Variants in WDR37 observed in about 807,000 individuals in gnomAD.
WDR37 encodes WD repeat domain 37.
WDR37 carries 19 observed loss-of-function variants against 62.9 expected under a neutral mutation model. That is an observed-to-expected ratio of 0.30 (90% CI 0.21 to 0.44). The LOEUF is 0.44. Among genes scored for constraint, WDR37 ranks in the 20% least tolerant of loss-of-function variants. The pLI is 1.00. For synonymous variants in WDR37, 250 were observed against 260.9 expected (o/e 0.96, Z 0.40); for missense variants, 474 against 657.6 (o/e 0.72, Z 3.05).
chr10:1,065,184 G>A (rs1331795056), intron 1 of WDR37, among the ~76,000 whole-genome samples: 1 of 152,126 alleles, frequency 6.6e-6, no homozygotes, highest in East Asian at 1.9e-4. Flanking sequence ...AATTGTGTTT[G>A]GAATTTGAAG....
intron 2 of WDR37, 88 bp downstream of exon 2, chr10:1,072,381 G>C: frequency 2.0e-6 from 3 of 1,535,938 alleles, no homozygotes; most frequent in South Asian, 2.4e-5. Context: ...GCGATGGTGC[G>C]ATCTCCGCTC....
At chr10:1,119,360 T>A (rs1011492374) in intron 11 of WDR37, among the ~76,000 whole-genome samples, 1 of 152,114 alleles carries the variant, frequency 6.6e-6, no homozygotes, top group African/African-American at 2.4e-5. Flanking sequence ...AGCAGAAGAG[T>A]GTTCTCACTG....
chr10:1,120,664 TC>T (rs1388626290), intron 11 of WDR37, among the ~76,000 whole-genome samples: 1 of 152,202 alleles, frequency 6.6e-6, no homozygotes, highest in African/African-American at 2.4e-5. Flanking sequence ...ACAGGCGTGC[TC>T]CTCAGATGTG....
At chr10:1,069,389 A>ATATATATATATTTTTTTTTTTTTTT in intron 1 of WDR37, among the ~76,000 whole-genome samples, 18 of 95,770 alleles carry the variant, frequency 1.9e-4, no homozygotes, top group African/African-American at 8.4e-4. Flanking sequence ...ATATATATAT[A>ATATATATATATTTTTTTTTTTTTTT]TTTTTTTTTT....
At chr10:1,126,910 G>A (rs752444727) in intron 13 of WDR37, among the ~76,000 whole-genome samples, 2 of 152,170 alleles carry the variant, frequency 1.3e-5, no homozygotes, top group Admixed American at 1.3e-4. Context: ...AAATAGTGGA[G>A]TAGAAAAATT....
Position 1,086,310 on chromosome 10 carries a change from T to C in WDR37, c.557T>C (p.Ile186Thr). Reference sequence around the variant, plus strand: ...GATCACACGGCTTTGCTGTGGAGCATAGAGACAGGGAAGTGCCTAGTCAAG... The same window carrying C: ...GATCACACGGCTTTGCTGTGGAGCACAGAGACAGGGAAGTGCCTAGTCAAG... ...SADHTALLWS[I>T]ETGKCLVKYA... Residue 186 changes from isoleucine (I) to threonine (T), a missense_variant, in exon 7 of 14, where the codon ATA becomes ACA. Ile to Thr is a moderately conservative substitution (Grantham distance 89, BLOSUM62 -1). Transcript: ENST00000263150. 1.2e-6 allele frequency: 2 copies of C among 1,614,212 alleles called. No homozygotes were observed. Among genetic ancestry groups the C allele is most frequent in the Non-Finnish European group, 1.7e-6 (2 of 1,180,022 alleles).
intron 5 of WDR37, 46 bp downstream of exon 5, chr10:1,080,522 G>A (rs748591978): frequency 2.5e-6 from 4 of 1,586,084 alleles, no homozygotes; most frequent in Non-Finnish European, 2.6e-6. Context: ...TGGTTAAGGT[G>A]TGCAGATGTG....
chr10:1,108,434 A>G, intron 11 of WDR37, among the ~76,000 whole-genome samples: 1 of 151,966 alleles, frequency 6.6e-6, no homozygotes, highest in South Asian at 2.1e-4. Flanking sequence ...CTGCTGTGCT[A>G]TTGGTGTGCT....
chr10:1,088,992 T>A (rs1369556782), intron 7 of WDR37, among the ~76,000 whole-genome samples: 1 of 152,170 alleles, frequency 6.6e-6, no homozygotes, highest in African/African-American at 2.4e-5. Flanking sequence ...ACGGCAAGCC[T>A]TGATTGACTT....
chr10:1,062,383 T>A (rs1833400653), intron 1 of WDR37, among the ~76,000 whole-genome samples: 1 of 152,216 alleles, frequency 6.6e-6, no homozygotes, highest in Admixed American at 6.5e-5. Flanking sequence ...GGAAAGGTGA[T>A]ATTGTAATCT....
At chr10:1,113,950 C>CT (rs56654628) in intron 11 of WDR37, among the ~76,000 whole-genome samples, 1,753 of 76,106 alleles carry the variant, frequency 0.023, 140 homozygotes, top group African/African-American at 0.078. Flanking sequence ...GGTAAAATGC[C>CT]TTTTTTTTTT....
intron 9 of WDR37, among the ~76,000 whole-genome samples, chr10:1,098,300 T>C (rs1180694135): frequency 1.3e-5 from 2 of 150,984 alleles, no homozygotes; most frequent in African/African-American, 4.9e-5. Context: ...GTGCACGCTC[T>C]CTTTCTACCC....
intron 7 of WDR37, among the ~76,000 whole-genome samples, chr10:1,086,805 C>T (rs994490960): frequency 6.8e-6 from 1 of 146,332 alleles, no homozygotes; most frequent in Admixed American, 6.9e-5. Flanking sequence ...TTAACGCTGT[C>T]CATGTAGTTA....
intron 8 of WDR37, among the ~76,000 whole-genome samples, chr10:1,093,791 G>A (rs367654403): frequency 1.3e-5 from 2 of 152,324 alleles, no homozygotes; most frequent in East Asian, 3.9e-4. Context: ...AGTTCCTGTA[G>A]ACGGAGCTCC....
At chr10:1,075,700 G>A (rs1302881957) in intron 2 of WDR37, among the ~76,000 whole-genome samples, 1 of 152,060 alleles carries the variant, frequency 6.6e-6, no homozygotes, top group Non-Finnish European at 1.5e-5. Context: ...TGGGAATGGG[G>A]CGTGCAGAGG....
chr10:1,109,823 T>A (rs956538515), intron 11 of WDR37, among the ~76,000 whole-genome samples: 9 of 152,202 alleles, frequency 5.9e-5, no homozygotes, highest in African/African-American at 2.2e-4. Context: ...ATGTAGTAAG[T>A]GTTATGAAAA....
intron 13 of WDR37, among the ~76,000 whole-genome samples, chr10:1,126,401 G>T (rs1373465843): frequency 7.6e-6 from 1 of 132,026 alleles, no homozygotes; most frequent in Non-Finnish European, 1.6e-5. Flanking sequence ...GCGAGACTGT[G>T]TCTCAGAAAA....
At chr10:1,060,769 G>A (rs1191884581) in intron 1 of WDR37, among the ~76,000 whole-genome samples, 2 of 152,178 alleles carry the variant, frequency 1.3e-5, no homozygotes, top group Admixed American at 6.5e-5. Flanking sequence ...CATGTAAGAT[G>A]GTGGTCCCAT....
intron 1 of WDR37, among the ~76,000 whole-genome samples, chr10:1,062,785 T>C (rs757631889): frequency 5.9e-5 from 9 of 152,148 alleles, no homozygotes; most frequent in African/African-American, 1.7e-4. Flanking sequence ...ACTGGACATA[T>C]ATAAAACAAA....
Sources: allele counts gnomAD v4.1 joint callset (sites outside exome capture counted in the v4.1 genomes callset), GRCh38; gene constraint gnomAD v4.1.1; transcripts MANE v1.5; gene names NCBI Gene and HGNC (gene_info 2026-07-23, HGNC 2026-07-21).